Variants in TPP2 observed in about 807,000 individuals in gnomAD.
TPP2 encodes the protein tripeptidyl-peptidase 2.
Under a neutral mutation model 155.9 loss-of-function variants are expected in TPP2, and 34 were observed. The observed-to-expected ratio is 0.22, with a 90% CI of 0.17 to 0.29. The LOEUF (loss-of-function observed/expected upper bound fraction) is 0.29. TPP2 is among the 10% of genes least tolerant of loss of function. The pLI is 1.00. For missense variants in TPP2, 1,028 were observed against 1,522.3 expected (o/e 0.68, Z 5.40); for synonymous variants, 510 against 529.4 (o/e 0.96, Z 0.50).
chr13:102,638,387 C>A, intron 15 of TPP2, 72 bp downstream of exon 15: 1 of 1,466,654 alleles, frequency 6.8e-7, no homozygotes, highest in Non-Finnish European at 9.5e-7. Context: ...GTCTTGTGGA[C>A]TTTTAATGAT....
chr13:102,659,601 A>G (rs1054032300), intron 25 of TPP2, among the ~76,000 whole-genome samples: 1 of 152,218 alleles, frequency 6.6e-6, no homozygotes, highest in Non-Finnish European at 1.5e-5. Context: ...ATAATCCTAT[A>G]TCCAGCAAAA....
At chr13:102,613,329 C>G (rs1462655402) in intron 2 of TPP2, among the ~76,000 whole-genome samples, 1 of 152,134 alleles carries the variant, frequency 6.6e-6, no homozygotes, top group African/African-American at 2.4e-5. Context: ...AGGTATTGCA[C>G]AAGTGAGGAT....
chr13:102,654,198 C>T (rs575267349), intron 24 of TPP2, among the ~76,000 whole-genome samples: 7 of 151,964 alleles, frequency 4.6e-5, no homozygotes, highest in Admixed American at 1.3e-4. Context: ...GTGAAAATAG[C>T]GCCATTTTTC....
chr13:102,661,030 G>A (rs1248405649), intron 25 of TPP2, among the ~76,000 whole-genome samples: 1 of 152,056 alleles, frequency 6.6e-6, no homozygotes, highest in African/African-American at 2.4e-5. Flanking sequence ...AACTCAATGA[G>A]ACGTAGTGGT....
In TPP2 at chr13:102,652,411, T is replaced by C. The variant is rs1370642676; in HGVS notation, c.2991+1014T>C. Among the ~76,000 whole-genome samples, 68 of 7,888 alleles carry C rather than the reference T, an allele frequency of 8.6e-3. 1 individual carries two copies. Among genetic ancestry groups the C allele is most frequent in the Non-Finnish European group, 0.01 (51 of 4,908 alleles). 5.2% of individuals were successfully genotyped at this position (7,888 alleles called of 152,430 possible). Reference sequence around the variant, plus strand: ...AAACATACATACATATATATATATATATATATATATATATATATATATATA... The same window carrying C: ...AAACATACATACATATATATATATACATATATATATATATATATATATATA... On this transcript the variant is annotated intron_variant, in intron 24 of 29. Coordinates refer to ENST00000376052, the MANE Select transcript of TPP2 (RefSeq NM_001330588.2).
At chr13:102,627,229 T>C in intron 7 of TPP2, 63 bp downstream of exon 7, 1 of 1,456,906 alleles carries the variant, frequency 6.9e-7, no homozygotes, top group Non-Finnish European at 9.1e-7. Context: ...TATTTTTAGG[T>C]TTATAAGTGC....
chr13:102,606,593 T>C (rs1357443336), intron 2 of TPP2, among the ~76,000 whole-genome samples: 1 of 152,258 alleles, frequency 6.6e-6, no homozygotes, highest in Non-Finnish European at 1.5e-5. Context: ...GTCTTTCTTT[T>C]AAAGAACTCA....
At chr13:102,627,976 T>G in intron 8 of TPP2, 52 bp downstream of exon 8, 1 of 1,435,344 alleles carries the variant, frequency 7.0e-7, no homozygotes, top group Non-Finnish European at 9.7e-7. Context: ...CAGTGAAGAG[T>G]ATGAGATGTT....
At chr13:102,601,427 A>C (rs559450476) in intron 1 of TPP2, among the ~76,000 whole-genome samples, 6 of 152,240 alleles carry the variant, frequency 3.9e-5, no homozygotes, top group African/African-American at 1.4e-4. Flanking sequence ...ATGTTTGGCA[A>C]ATCTTCCAAC....
At chr13:102,620,019 A>G (rs1881037930) in intron 5 of TPP2, among the ~76,000 whole-genome samples, 1 of 152,234 alleles carries the variant, frequency 6.6e-6, no homozygotes, top group East Asian at 1.9e-4. Context: ...AGTATATACT[A>G]CAAAAGAACT....
rs552912117 is a variant in TPP2 at position 102,604,393 on chromosome 13, CT to C, written c.166-392del. ...GTTAATTTTCACCATCTGACATGTT[CT>C]TTTTTTTCCCTAATACCCAGTGTGA... On this transcript the variant is annotated intron_variant, in intron 1 of 29. Coordinates refer to ENST00000376052, the MANE Select transcript of TPP2 (RefSeq NM_001330588.2). 5.7e-3 allele frequency among the ~76,000 whole-genome samples: 864 copies of C among 152,094 alleles called. 20 individuals carry two copies. Among genetic ancestry groups the C allele is most frequent in the Admixed American group, 0.049 (755 of 15,264 alleles).
intron 8 of TPP2, among the ~76,000 whole-genome samples, chr13:102,628,373 T>C (rs1020221236): frequency 1.3e-5 from 2 of 152,184 alleles, no homozygotes; most frequent in Admixed American, 6.5e-5. Context: ...TCTGAAGCCA[T>C]CCTCAGTTGT....
At chr13:102,604,757 A>C (rs746699379) in intron 1 of TPP2, 36 bp from the exon 2 acceptor site, 2 of 1,597,962 alleles carry the variant, frequency 1.3e-6, no homozygotes, top group African/African-American at 1.4e-5. Context: ...AAAACCTAAA[A>C]TCTACCATTC....
chr13:102,674,485 A>C lies in TPP2; in HGVS notation c.3574A>C (p.Asn1192His), dbSNP rs756136068. ...TACTAAATGGACTGATCTCTTTGAC[A>C]ATAAGGTAACGTTTCTGCTTCTTGT... ...ETTKWTDLFD[N>H]KVLTFAYKHA... Residue 1192 changes from asparagine to histidine, a missense_variant, in exon 28 of 30, where the codon AAT becomes CAT. By Grantham distance (68) the Asn-to-His change is moderately conservative (BLOSUM62 1). Transcript: ENST00000376052. 7.4e-6 allele frequency: 12 copies of C among 1,613,532 alleles called. No homozygotes were observed. The African/African-American group carries it at 1.5e-4, about 20-fold the overall frequency.
At chr13:102,610,858 G>T (rs1880254292) in intron 2 of TPP2, among the ~76,000 whole-genome samples, 2 of 152,216 alleles carry the variant, frequency 1.3e-5, no homozygotes, top group Non-Finnish European at 1.5e-5. Context: ...TAACACCATT[G>T]TACCCACCCA....
At chr13:102,604,997 A>G (rs1879713141) in intron 2 of TPP2, 76 bp downstream of exon 2, 9 of 1,580,864 alleles carry the variant, frequency 5.7e-6, no homozygotes, top group South Asian at 2.4e-5. Flanking sequence ...TTTACCTTAC[A>G]TTTGGTGGTG....
rs752264020 is a variant in TPP2 at position 102,646,303 on chromosome 13, T to C, written c.2403T>C (p.Ser801=). ...AGTTTCCTCATTACAGCCCAGTGAG[T>C]GCAAAAACAAAACCTTTAGGATCAA... ...KNWVQTLRPV[S]AKTKPLGSRD... Residue 801 remains serine, a synonymous_variant, in exon 20 of 30, where the codon AGT becomes AGC. Coordinates refer to ENST00000376052, the MANE Select transcript of TPP2 (RefSeq NM_001330588.2). 1.9e-6 allele frequency: 3 copies of C among 1,612,424 alleles called. No individual in the cohort carries two copies. The highest frequency in any genetic ancestry group is 1.1e-5 in the South Asian group (1 of 90,818).
intron 25 of TPP2, among the ~76,000 whole-genome samples, chr13:102,660,404 T>C (rs1009820507): frequency 1.3e-5 from 2 of 149,106 alleles, no homozygotes; most frequent in Admixed American, 6.7e-5. Context: ...TACAGTAACA[T>C]TGAAAAAAAT....
At chr13:102,598,449 C>G (rs1879158337) in intron 1 of TPP2, among the ~76,000 whole-genome samples, 1 of 152,204 alleles carries the variant, frequency 6.6e-6, no homozygotes, top group Non-Finnish European at 1.5e-5. Flanking sequence ...GTGTGTTCTT[C>G]AGCACCACTC....
Sources: allele counts gnomAD v4.1 joint callset (sites outside exome capture counted in the v4.1 genomes callset), GRCh38; gene constraint gnomAD v4.1.1; transcripts MANE v1.5; gene names NCBI Gene and HGNC (gene_info 2026-07-23, HGNC 2026-07-21).